ELP2: variants seen among roughly 807,000 people sequenced by gnomAD.
ELP2 encodes the protein elongator complex protein 2.
A neutral mutation model predicts 119.2 loss-of-function variants in ELP2; 90 were observed. The observed-to-expected ratio is 0.75, with a 90% CI of 0.64 to 0.90. The LOEUF is 0.90. Among genes scored for constraint, ELP2 ranks in the 40% least tolerant of loss-of-function variants. The pLI is 0.00. For missense variants in ELP2, 921 were observed against 967.8 expected (o/e 0.95, Z 0.64); for synonymous variants, 339 against 331.0 (o/e 1.02, Z -0.26).
At position 36,154,952 on chromosome 18, in the gene ELP2, C is replaced by T; in HGVS notation, c.1228C>T (p.Gln410Ter). ...ATTTATTATCACTGTTGGTACTGAT[C>T]AGACAACTAGACTTTTTGCTCCATG... is the stretch of plus-strand genomic sequence containing the variant. ...GEFIITVGTD[Q>*]TTRLFAPWKR... is the part of the protein sequence containing the mutation. Residue 410 changes from glutamine (Q) to a stop codon, truncating the protein, a stop_gained, in exon 12 of 22, where the codon CAG (glutamine) becomes TAG (stop). Coordinates refer to ENST00000358232, the MANE Select transcript of ELP2 (RefSeq NM_018255.4). LOFTEE classifies it high-confidence loss of function. 1.2e-6 allele frequency: 2 copies of T among 1,613,952 alleles called. No individual in the cohort carries two copies. The highest frequency in any genetic ancestry group is 1.7e-6 in the Non-Finnish European group (2 of 1,179,804).
At chr18:36,170,325 G>C (rs796145716) in intron 20 of ELP2, 129 bp downstream of exon 20, 25 of 995,448 alleles carry the variant, frequency 2.5e-5, no homozygotes, top group Non-Finnish European at 3.4e-5. Flanking sequence ...TTTTTTTTTT[G>C]TTTTGAGATG....
chr18:36,157,637 C>T (rs1487243711), intron 13 of ELP2, among the ~76,000 whole-genome samples: 1 of 152,116 alleles, frequency 6.6e-6, no homozygotes, highest in African/African-American at 2.4e-5. Flanking sequence ...AAACTAGCAC[C>T]AGTGTGAGTA....
rs1598822813 is a variant in ELP2 at position 36,164,961 on chromosome 18, C to G, written c.1954+294C>G. On this transcript the variant is annotated intron_variant, in intron 18 of 21. Transcript: ENST00000358232. ...TCTGTATGTAGGAAGTTAGGTTTTGCAAATGGTGATAGAATGCTACCACAA... is the reference window on the plus strand; with the variant it reads ...TCTGTATGTAGGAAGTTAGGTTTTGGAAATGGTGATAGAATGCTACCACAA... The G allele has an allele frequency of 8.0e-6, 3 of 374,698 alleles. No individual in the cohort carries two copies. The South Asian group carries it at 8.6e-5, about 11-fold the overall frequency. 23.2% of individuals were successfully genotyped at this position (374,698 alleles called of 1,614,324 possible).
At chr18:36,145,685 G>GT (rs2090174705) in intron 9 of ELP2, among the ~76,000 whole-genome samples, 1 of 152,162 alleles carries the variant, frequency 6.6e-6, no homozygotes, top group African/African-American at 2.4e-5. Flanking sequence ...AGCTTACCGT[G>GT]TTTTGGAGCT....
At chr18:36,136,439 A>G (rs897958243) in intron 3 of ELP2, 62 bp downstream of exon 3, 13 of 1,333,882 alleles carry the variant, frequency 9.7e-6, no homozygotes, top group Non-Finnish European at 1.3e-5. Flanking sequence ...TTTAAGAGGT[A>G]GAGTTTCACT....
rs560882841 is a variant in ELP2 at position 36,158,756 on chromosome 18, G to A, written c.1465-79G>A. Reference sequence around the variant, plus strand: ...GCGTGACTTTTTTGTAGTGCCTGAAGTAACAGTAACTTTTAGTTTTAAAAT... The same window carrying A: ...GCGTGACTTTTTTGTAGTGCCTGAAATAACAGTAACTTTTAGTTTTAAAAT... On this transcript the variant is annotated intron_variant, in intron 13 of 21. Transcript: ENST00000358232. 1.3e-4 allele frequency: 140 copies of A among 1,045,996 alleles called. No individual in the cohort carries two copies. In the African/African-American group the frequency reaches 2.1e-3, roughly 16 times the overall value. 64.8% of individuals were successfully genotyped at this position (1,045,996 alleles called of 1,614,324 possible).
chr18:36,166,994 A>G lies in ELP2; in HGVS notation c.1955-107A>G, dbSNP rs1379249161. 2.5e-6 allele frequency: 3 copies of G among 1,195,400 alleles called. No individual in the cohort carries two copies. The South Asian group carries it at 5.9e-5, about 24-fold the overall frequency. The allele number at this position is 1,195,400 out of a possible 1,614,324, so 74.0% of individuals were successfully genotyped here. A position where few individuals can be genotyped will look rare whatever the true frequency, so the allele number is the denominator to read the frequency against. ...CTATTTCAAAAGTCAGTGCATATAA[A>G]TTGAATATTAAGTCATATGGTGTAT... On this transcript the variant is annotated intron_variant, in intron 18 of 21. Coordinates refer to ENST00000358232, the MANE Select transcript of ELP2 (RefSeq NM_018255.4).
At chr18:36,150,157 G>C (rs2090351436) in intron 11 of ELP2, among the ~76,000 whole-genome samples, 1 of 152,178 alleles carries the variant, frequency 6.6e-6, no homozygotes, top group Non-Finnish European at 1.5e-5. Context: ...TCCCACCAGA[G>C]TCTGCCCTGT....
At chr18:36,132,341 G>A (rs80143598) in intron 1 of ELP2, among the ~76,000 whole-genome samples, 3 of 152,284 alleles carry the variant, frequency 2.0e-5, no homozygotes, top group Non-Finnish European at 2.9e-5. Context: ...GATAACGCGC[G>A]TGGCCACCAA....
At chr18:36,141,402 A>G (rs1313180535) in intron 6 of ELP2, 5 of 586,396 alleles carry the variant, frequency 8.5e-6, no homozygotes, top group African/African-American at 1.9e-5. Context: ...CATCAGGCTC[A>G]GAGTTGTTAG....
chr18:36,147,081 G>GTTTT (rs61330040), intron 11 of ELP2, among the ~76,000 whole-genome samples: 7 of 123,406 alleles, frequency 5.7e-5, no homozygotes, highest in East Asian at 2.4e-4. Context: ...AACATGGGTA[G>GTTTT]TTTTTTTTTT....
Position 36,138,496 on chromosome 18 carries a change from C to CATAT in ELP2, c.445+76_445+79dup, listed in dbSNP as rs2144601797. 6 of 1,482,504 alleles carry CATAT rather than the reference C, an allele frequency of 4.0e-6. No individual in the cohort carries two copies. The East Asian group carries it at 1.4e-4, about 35-fold the overall frequency. 91.8% of individuals were successfully genotyped at this position (1,482,504 alleles called of 1,614,324 possible). A position where few individuals can be genotyped will look rare whatever the true frequency, so the allele number is the denominator to read the frequency against. On this transcript the variant is annotated intron_variant, in intron 4 of 21. Coordinates refer to ENST00000358232, the MANE Select transcript of ELP2 (RefSeq NM_018255.4). ...AACAAATGAATGACGAGTAGAAGAG[C>CATAT]ATATATATAATTCTTTACAACTTTG...
At chr18:36,146,421 TA>T in intron 11 of ELP2, 40 bp downstream of exon 11, 1 of 1,599,590 alleles carries the variant, frequency 6.3e-7, no homozygotes, top group Non-Finnish European at 8.6e-7. Context: ...TCTAATCAAA[TA>T]GAGTACATTC....
At chr18:36,164,695 A>G (rs2090841880) in intron 18 of ELP2, 28 bp downstream of exon 18, 3 of 1,605,056 alleles carry the variant, frequency 1.9e-6, no homozygotes, top group East Asian at 2.2e-5. Context: ...TGGGAAAGTT[A>G]TTAGTGAAAC....
At position 36,175,833 on chromosome 18, in the gene ELP2, G is replaced by A. The variant is rs1374940241; in HGVS notation, c.*1192G>A. 6.6e-6 allele frequency: 1 copy of A among 152,130 alleles called. No individual in the cohort carries two copies. The highest frequency in any genetic ancestry group is 1.5e-5 in the Non-Finnish European group (1 of 68,038). 9.4% of individuals were successfully genotyped at this position (152,130 alleles called of 1,614,324 possible). A position where few individuals can be genotyped will look rare whatever the true frequency, so the allele number is the denominator to read the frequency against. The stretch of plus-strand genomic sequence containing the variant: ...AGCCATTTGGCAGATTGACAATGCA[G>A]TGACAGCTGTATATAATAAATGTGT... On this transcript the variant is annotated 3_prime_UTR_variant, in exon 22 of 22. Coordinates refer to ENST00000358232, the MANE Select transcript of ELP2 (RefSeq NM_018255.4).
chr18:36,171,323 G>T (rs1385811489), intron 21 of ELP2, among the ~76,000 whole-genome samples, 163 bp downstream of exon 21: 1 of 152,158 alleles, frequency 6.6e-6, no homozygotes, highest in Non-Finnish European at 1.5e-5. Context: ...GTGGTAATCT[G>T]AAATTGATAT....
chr18:36,156,560 A>T lies in ELP2; in HGVS notation c.1370A>T (p.Asp457Val). 6.2e-7 allele frequency: 1 copy of T among 1,614,150 alleles called. No individual in the cohort carries two copies. Among genetic ancestry groups the T allele is most frequent in the Admixed American group, 1.7e-5 (1 of 60,030 alleles). Residue 457 changes from aspartate (D) to valine (V), a missense_variant, in exon 13 of 22, where the codon GAT becomes GTT. Physicochemically the swap from Asp to Val is radical, Grantham distance 152. Transcript: ENST00000358232. ...CGGTTTCAGTTTGTATCTGGAGCAGATGAAAAAGTTCTTCGGGTTTTTTCT... is the reference window on the plus strand; with the variant it reads ...CGGTTTCAGTTTGTATCTGGAGCAGTTGAAAAAGTTCTTCGGGTTTTTTCT... ...INRFQFVSGA[D>V]EKVLRVFSAP...
In ELP2 at chr18:36,177,930, A is replaced by C. The variant is rs1256885628; in HGVS notation, c.*3289A>C. Reference sequence around the variant, plus strand: ...AAAATGTTAATGGTAGAAACTCCTTAAGGGGTGTTCACTGTACAATTCTTT... The same window carrying C: ...AAAATGTTAATGGTAGAAACTCCTTCAGGGGTGTTCACTGTACAATTCTTT... On this transcript the variant is annotated 3_prime_UTR_variant, in exon 22 of 22. Transcript: ENST00000358232. 6.6e-6 allele frequency: 1 copy of C among 152,206 alleles called. No individual in the cohort carries two copies. Among genetic ancestry groups the C allele is most frequent in the African/African-American group, 2.4e-5 (1 of 41,440 alleles). The allele number at this position is 152,206 out of a possible 1,614,324, so 9.4% of individuals were successfully genotyped here.
At position 36,151,092 on chromosome 18, in the gene ELP2, T is replaced by C. The variant is rs2090383365; in HGVS notation, c.1126-3758T>C. 9.9e-5 allele frequency among the ~76,000 whole-genome samples: 12 copies of C among 121,782 alleles called. No individual in the cohort carries two copies. The South Asian group carries it at 3.1e-3, about 32-fold the overall frequency. 79.9% of individuals were successfully genotyped at this position (121,782 alleles called of 152,430 possible). A position where few individuals can be genotyped will look rare whatever the true frequency, so the allele number is the denominator to read the frequency against. On this transcript the variant is annotated intron_variant, in intron 11 of 21. Transcript: ENST00000358232. ...CTGCCTTCCAGCTTTTTTTTTTTTTTCTCTTTTTTTGAGACAGTGTCTCAC... is the reference window on the plus strand; with the variant it reads ...CTGCCTTCCAGCTTTTTTTTTTTTTCCTCTTTTTTTGAGACAGTGTCTCAC...
Sources: allele counts gnomAD v4.1 joint callset (sites outside exome capture counted in the v4.1 genomes callset), GRCh38; gene constraint gnomAD v4.1.1; transcripts MANE v1.5; gene names NCBI Gene and HGNC (gene_info 2026-07-23, HGNC 2026-07-21).